HPSE2: variants seen among roughly 807,000 people sequenced by gnomAD.
HPSE2 encodes heparanase 2 (inactive).
In HPSE2, 38 loss-of-function variants were observed where a neutral mutation model predicts 60.5. The ratio of observed to expected loss-of-function variants is 0.63; its 90% CI spans 0.48 to 0.82. HPSE2 has a LOEUF of 0.82. HPSE2 is among the 40% of genes least tolerant of loss of function. The pLI, the probability that HPSE2 is intolerant of heterozygous loss-of-function variation, is 0.00. For synonymous variants in HPSE2, 295 were observed against 293.2 expected (o/e 1.01, Z -0.06); for missense variants, 713 against 740.4 (o/e 0.96, Z 0.43).
chr10:98,735,879 G>T (rs1269015020), intron 4 of HPSE2, among the ~76,000 whole-genome samples: 1 of 152,186 alleles, frequency 6.6e-6, no homozygotes, highest in African/African-American at 2.4e-5. Flanking sequence ...GAAGGGAATT[G>T]CCTTGTCTCA....
intron 9 of HPSE2, among the ~76,000 whole-genome samples, chr10:98,581,132 G>C (rs1430413956): frequency 6.6e-6 from 1 of 151,334 alleles, no homozygotes. Flanking sequence ...ATAGAGATAG[G>C]GTTTCACCAA....
chr10:98,544,368 A>G (rs1305470069), intron 9 of HPSE2, among the ~76,000 whole-genome samples: 1 of 152,232 alleles, frequency 6.6e-6, no homozygotes, highest in Non-Finnish European at 1.5e-5. Context: ...AATGCCCACA[A>G]GAGAAAGCAG....
At chr10:98,490,262 G>GACAC (rs59184373) in intron 9 of HPSE2, 66 bp from the exon 10 acceptor site, 169 of 1,251,966 alleles carry the variant, frequency 1.3e-4, no homozygotes, top group Middle Eastern at 7.3e-4. Context: ...GAGTAAACAT[G>GACAC]ACACACACAC....
chr10:98,915,034 G>T (rs1954079430), intron 3 of HPSE2, among the ~76,000 whole-genome samples: 1 of 150,874 alleles, frequency 6.6e-6, no homozygotes, highest in Non-Finnish European at 1.5e-5. Flanking sequence ...AAGGAAATAT[G>T]CCAAATCATT....
chr10:99,247,796 G>A, the HPSE2 span, among the ~76,000 whole-genome samples: 3 of 152,158 alleles, frequency 2.0e-5, no homozygotes, highest in Non-Finnish European at 4.4e-5. Flanking sequence ...GGACCATGGG[G>A]GTGGATTTCC....
At chr10:99,127,616 T>C (rs1845212892) in intron 3 of HPSE2, among the ~76,000 whole-genome samples, 1 of 152,230 alleles carries the variant, frequency 6.6e-6, no homozygotes, top group Non-Finnish European at 1.5e-5. Flanking sequence ...GCTAGAGATC[T>C]AGACAACTAA....
At chr10:99,186,281 A>G (rs1848020272) in intron 2 of HPSE2, among the ~76,000 whole-genome samples, 1 of 152,112 alleles carries the variant, frequency 6.6e-6, no homozygotes, top group African/African-American at 2.4e-5. Context: ...ATGGTGGCTC[A>G]CACCTGTAAT....
intron 6 of HPSE2, among the ~76,000 whole-genome samples, chr10:98,677,509 T>C (rs1398169119): frequency 1.3e-5 from 2 of 152,230 alleles, no homozygotes; most frequent in Middle Eastern, 3.2e-3. Flanking sequence ...CAATGTATTG[T>C]ATGTACTGAG....
intron 3 of HPSE2, among the ~76,000 whole-genome samples, chr10:99,127,432 C>T (rs942560321): frequency 2.6e-5 from 4 of 152,022 alleles, no homozygotes; most frequent in Admixed American, 1.3e-4. Flanking sequence ...TTAACCCAAT[C>T]GGACAAAGAC....
At chr10:99,244,735 A>T in the HPSE2 span, among the ~76,000 whole-genome samples, 1 of 151,982 alleles carries the variant, frequency 6.6e-6, no homozygotes, top group Non-Finnish European at 1.5e-5. Flanking sequence ...TTAGTTCATT[A>T]TAAGGAGAGT....
the HPSE2 span, among the ~76,000 whole-genome samples, chr10:99,307,470 A>G: frequency 6.6e-6 from 1 of 152,162 alleles, no homozygotes; most frequent in South Asian, 2.1e-4. Flanking sequence ...CCCATCACTC[A>G]TGTGGAGGAG....
At position 98,630,768 on chromosome 10, in the gene HPSE2, T is replaced by A. The variant is rs181582218; in HGVS notation, c.1099-10060A>T. Among the ~76,000 whole-genome samples the A allele has an allele frequency of 6.8e-3, 1,042 of 152,310 alleles. 8 individuals carry two copies. The highest frequency in any genetic ancestry group is 0.027 in the South Asian group (129 of 4,826). On this transcript the variant is annotated intron_variant, in intron 7 of 11. Transcript: ENST00000370552. ...AATTACTTTGCTTATAAAATACTTATAAATAAATGAGAGAGATAATATTTT... is the reference window on the plus strand; with the variant it reads ...AATTACTTTGCTTATAAAATACTTAAAAATAAATGAGAGAGATAATATTTT...
intron 6 of HPSE2, among the ~76,000 whole-genome samples, chr10:98,655,106 C>CTA (rs2134070002): frequency 6.6e-6 from 1 of 152,232 alleles, no homozygotes; most frequent in Non-Finnish European, 1.5e-5. Context: ...TGTCCCTGGG[C>CTA]TATGATCTTC....
intron 11 of HPSE2, among the ~76,000 whole-genome samples, chr10:98,463,811 A>C (rs1265163729): frequency 6.6e-6 from 1 of 151,966 alleles, no homozygotes; most frequent in African/African-American, 2.4e-5. Flanking sequence ...TCTCCAAAAT[A>C]ACAAAAAGGT....
intron 3 of HPSE2, among the ~76,000 whole-genome samples, chr10:98,834,666 C>CACAGCCACAGGTCTAATAAT (rs1256600326): frequency 3.3e-5 from 5 of 152,108 alleles, no homozygotes; most frequent in Non-Finnish European, 5.9e-5. Flanking sequence ...TCTAAGAATC[C>CACAGCCACAGGTCTAATAAT]TGGATCCCTT....
chr10:99,285,982 T>C, the HPSE2 span, among the ~76,000 whole-genome samples: 2 of 152,212 alleles, frequency 1.3e-5, no homozygotes, highest in East Asian at 3.9e-4. Flanking sequence ...ATTCCAATCA[T>C]TAGTCATTAG....
intron 3 of HPSE2, among the ~76,000 whole-genome samples, chr10:99,103,951 A>T (rs1844128623): frequency 6.6e-6 from 1 of 152,218 alleles, no homozygotes; most frequent in Non-Finnish European, 1.5e-5. Flanking sequence ...CTGCAACTGG[A>T]TCCCTTCCTT....
chr10:98,845,036 G>A (rs1952002737), intron 3 of HPSE2, among the ~76,000 whole-genome samples: 1 of 152,188 alleles, frequency 6.6e-6, no homozygotes, highest in Admixed American at 6.5e-5. Flanking sequence ...ATTGCCAAAT[G>A]TGACACAAAT....
intron 3 of HPSE2, among the ~76,000 whole-genome samples, chr10:99,081,269 A>C (rs1478974754): frequency 6.6e-6 from 1 of 152,222 alleles, no homozygotes; most frequent in Non-Finnish European, 1.5e-5. Context: ...CATATAAGTT[A>C]AATGCTCTTT....
Sources: allele counts gnomAD v4.1 joint callset (sites outside exome capture counted in the v4.1 genomes callset), GRCh38; gene constraint gnomAD v4.1.1; transcripts MANE v1.5; gene names NCBI Gene and HGNC (gene_info 2026-07-23, HGNC 2026-07-21).